Variants in CENPI observed in about 807,000 individuals in gnomAD.
CENPI encodes the protein centromere protein I.
A neutral mutation model predicts 60.4 loss-of-function variants in CENPI; 4 were observed. The ratio of observed to expected loss-of-function variants is 0.07; its 90% CI spans 0.03 to 0.15. The LOEUF is 0.15. CENPI is among the 10% of genes least tolerant of loss of function. The pLI is 1.00. For missense variants in CENPI, 444 were observed against 534.5 expected (o/e 0.83, Z 1.67); for synonymous variants, 157 against 189.4 (o/e 0.83, Z 1.40).
At chrX:101,112,144 C>T (rs1042003751) in intron 6 of CENPI, among the ~76,000 whole-genome samples, 24 of 112,190 alleles carry the variant, frequency 2.1e-4, no homozygotes, top group African/African-American at 7.5e-4. Flanking sequence ...AACAACTGGC[C>T]GTATCTGTTG....
chrX:101,138,805 T>C (rs777654279), intron 15 of CENPI, among the ~76,000 whole-genome samples: 6 of 108,647 alleles, frequency 5.5e-5, no homozygotes, highest in African/African-American at 1.7e-4. Flanking sequence ...TTTATATTTT[T>C]AGTAGAGGCA....
chrX:101,140,088 G>C (rs918332301), intron 15 of CENPI, among the ~76,000 whole-genome samples: 2 of 111,691 alleles, frequency 1.8e-5, no homozygotes, highest in African/African-American at 3.3e-5. Flanking sequence ...CGCCCGCCTC[G>C]GCCTCCCAAA....
In CENPI at chrX:101,130,153, G is replaced by A. The variant is rs2089780707; in HGVS notation, c.1287+80G>A. On this transcript the variant is annotated intron_variant, in intron 13 of 21. Transcript: ENST00000682095. ...AGATATCCATTGAAAACCTTTTCTTGCCCGGCTGCGGTGGCTCACACCTGT... is the reference window on the plus strand; with the variant it reads ...AGATATCCATTGAAAACCTTTTCTTACCCGGCTGCGGTGGCTCACACCTGT... 5 of 734,395 alleles carry A rather than the reference G, an allele frequency of 6.8e-6. 1 individual carries two copies. In the South Asian group the frequency reaches 1.0e-4, roughly 15 times the overall value. 60.5% of individuals were successfully genotyped at this position (734,395 alleles called of 1,213,427 possible).
In CENPI at chrX:101,132,474, T is replaced by C; in HGVS notation, c.1470+18T>C. On this transcript the variant is annotated intron_variant, in intron 15 of 21. Coordinates refer to ENST00000682095, the MANE Select transcript of CENPI (RefSeq NM_001386188.2). ...ATTTCAAGGTAACAAAAACTTGTCT[T>C]GCTTAGATTCAATAGGATGTATTAT... is the stretch of plus-strand genomic sequence containing the variant. 1 of 1,161,040 alleles carries C rather than the reference T, an allele frequency of 8.6e-7. No homozygotes were observed.
intron 6 of CENPI, among the ~76,000 whole-genome samples, chrX:101,110,702 G>A (rs776063946): frequency 8.9e-6 from 1 of 111,950 alleles, no homozygotes; most frequent in South Asian, 3.8e-4. Context: ...AAGATTCAAA[G>A]TTTAGCATAG....
At chrX:101,120,220 A>G (rs1213261627) in intron 6 of CENPI, among the ~76,000 whole-genome samples, 182 bp from the exon 7 acceptor site, 3 of 111,992 alleles carry the variant, frequency 2.7e-5, no homozygotes, top group Non-Finnish European at 5.6e-5. Context: ...AATGCTGATT[A>G]AAACTATTGT....
At chrX:101,127,025 G>A in intron 9 of CENPI, 113 bp from the exon 10 acceptor site, 1 of 669,601 alleles carries the variant, frequency 1.5e-6, no homozygotes, top group South Asian at 3.8e-5. Context: ...AAGTGCATTT[G>A]TATGGGTGTA....
At chrX:101,154,273 T>C (rs1333556368) in intron 20 of CENPI, among the ~76,000 whole-genome samples, 1 of 111,668 alleles carries the variant, frequency 9.0e-6, no homozygotes, top group Non-Finnish European at 1.9e-5. Flanking sequence ...TATTAATTTC[T>C]ATAAAGAATC....
At chrX:101,118,115 G>A (rs2089641371) in intron 6 of CENPI, among the ~76,000 whole-genome samples, 2 of 112,107 alleles carry the variant, frequency 1.8e-5, no homozygotes, top group African/African-American at 6.5e-5. Flanking sequence ...TGAAAACTGA[G>A]TGAGATGCCC....
intron 6 of CENPI, among the ~76,000 whole-genome samples, chrX:101,116,275 C>T (rs1264966221): frequency 9.1e-6 from 1 of 110,192 alleles, no homozygotes; most frequent in Admixed American, 9.8e-5. Flanking sequence ...CATAAGCTTT[C>T]TTAAAACATT....
At chrX:101,143,584 G>A (rs1251204361) in intron 16 of CENPI, among the ~76,000 whole-genome samples, 6 of 112,850 alleles carry the variant, frequency 5.3e-5, no homozygotes, top group African/African-American at 1.9e-4. Flanking sequence ...AGGCTGAAGT[G>A]CGATAGCACG....
chrX:101,105,582 AT>A (rs1162089907), intron 4 of CENPI, among the ~76,000 whole-genome samples: 16 of 110,379 alleles, frequency 1.4e-4, no homozygotes, highest in Admixed American at 1.3e-3. Context: ...TATTTTAGAA[AT>A]TTTTTTTTCG....
intron 6 of CENPI, among the ~76,000 whole-genome samples, chrX:101,117,003 G>A (rs974230866): frequency 1.8e-5 from 2 of 110,915 alleles, no homozygotes; most frequent in Admixed American, 9.7e-5. Flanking sequence ...ATGTCTCTTA[G>A]GATCCTTTGC....
chrX:101,162,473 A>AAAATATATAT (rs1303045267), intron 21 of CENPI, among the ~76,000 whole-genome samples: 1 of 68,129 alleles, frequency 1.5e-5, no homozygotes, highest in African/African-American at 6.9e-5. Context: ...AAAAAAAAAA[A>AAAATATATAT]ATATATATAT....
Position 101,102,310 on chromosome X carries a change from T to G in CENPI, c.263T>G (p.Leu88Trp). ...GCTTCACAGAATAAAGATAAAACCTTGGAAAAACACTTGAAAACTGTGGAA... is the reference window on the plus strand; with the variant it reads ...GCTTCACAGAATAAAGATAAAACCTGGGAAAAACACTTGAAAACTGTGGAA... Reference protein sequence around the residue: ...IKASQNKDKTLEKHLKTVENV... With the variant: ...IKASQNKDKTWEKHLKTVENV... The change falls in exon 4 of 22, where the codon TTG becomes TGG. Residue 88 changes from leucine (L) to tryptophan (W), a missense_variant. Leu to Trp is a moderately conservative substitution (Grantham distance 61, BLOSUM62 -2). Transcript: ENST00000682095. 1 of 1,195,422 alleles carries G rather than the reference T, an allele frequency of 8.4e-7. No homozygotes were observed. The highest frequency in any genetic ancestry group is 1.1e-6 in the Non-Finnish European group (1 of 883,757).
chrX:101,157,615 A>G (rs1306965112), intron 20 of CENPI, among the ~76,000 whole-genome samples: 1 of 102,184 alleles, frequency 9.8e-6, no homozygotes, highest in African/African-American at 3.6e-5. Context: ...GCTCCATTGA[A>G]CTCTAGCCTG....
rs141828047 is a variant in CENPI at position 101,107,400 on chromosome X, A to T, written c.365-2073A>T. Among the ~76,000 whole-genome samples the T allele has an allele frequency of 6.8e-3, 753 of 110,023 alleles. 9 individuals are homozygous for T. Among genetic ancestry groups the T allele is most frequent in the African/African-American group, 0.024 (714 of 30,252 alleles). ...AGATGGAGTTTCACTCTTATTGCCC[A>T]GGCTGGAGTGCAATGGTGTGATCTT... On this transcript the variant is annotated intron_variant, in intron 4 of 21. Transcript: ENST00000682095.
rs200136626 is a variant in CENPI, at chrX:101,101,196, C to T, written c.126C>T (p.Ile42=). ...VKQDPSNSKN[I]SKHGQNNPVG... ...AGGATCCAAGCAACTCGAAGAACAT[C>T]TCAAAACATGGACAAAACAATCCAG... Residue 42 remains isoleucine, a synonymous_variant, in exon 3 of 22, where the codon ATC becomes ATT. Transcript: ENST00000682095. 23 of 1,210,031 alleles carry T rather than the reference C, an allele frequency of 1.9e-5. No homozygotes were observed. The highest frequency in any genetic ancestry group is 2.6e-5 in the Non-Finnish European group (23 of 893,984).
rs1166338932 is a variant in CENPI at position 101,163,413 on chromosome X, A to G, written c.*446A>G. ...GCAACAGCACCAACACCAAGTTAACAGGATGCAACATGTGTATGACTCTAA... is the reference window on the plus strand; with the variant it reads ...GCAACAGCACCAACACCAAGTTAACGGGATGCAACATGTGTATGACTCTAA... On this transcript the variant is annotated 3_prime_UTR_variant, in exon 22 of 22. Coordinates refer to ENST00000682095, the MANE Select transcript of CENPI (RefSeq NM_001386188.2). The G allele has an allele frequency of 1.5e-5, 2 of 129,176 alleles. No individual in the cohort carries two copies. The highest frequency in any genetic ancestry group is 3.1e-5 in the Non-Finnish European group (2 of 64,763). The allele number at this position is 129,176 out of a possible 1,213,427, so 10.6% of individuals were successfully genotyped here.
Sources: allele counts gnomAD v4.1 joint callset (sites outside exome capture counted in the v4.1 genomes callset), GRCh38; gene constraint gnomAD v4.1.1; transcripts MANE v1.5; gene names NCBI Gene and HGNC (gene_info 2026-07-23, HGNC 2026-07-21).